The following DOCK4 variants were observed in gnomAD, a reference collection of about 807,000 sequenced individuals.
DOCK4 encodes the protein dedicator of cytokinesis protein 4.
Under a neutral mutation model 268.1 loss-of-function variants are expected in DOCK4, and 97 were observed. The observed-to-expected ratio is 0.36, with a 90% CI of 0.31 to 0.43. The LOEUF (loss-of-function observed/expected upper bound fraction) is 0.43. DOCK4 is among the 20% of genes least tolerant of loss of function. The pLI is 1.00. For missense variants in DOCK4, 2,145 were observed against 2,455.7 expected (o/e 0.87, Z 2.67); for synonymous variants, 954 against 887.2 (o/e 1.08, Z -1.34).
intron 41 of DOCK4, among the ~76,000 whole-genome samples, chr7:111,757,175 C>A (rs1224416373): frequency 6.6e-6 from 1 of 151,898 alleles, no homozygotes; most frequent in Non-Finnish European, 1.5e-5. Context: ...TTCTGGAGGG[C>A]AGTTTGGAGC....
At position 112,004,123 on chromosome 7, in the gene DOCK4, T is replaced by C. The variant is rs1453715460; in HGVS notation, c.46A>G (p.Ser16Gly). 1 of 1,585,438 alleles carries C rather than the reference T, an allele frequency of 6.3e-7. No individual in the cohort carries two copies. ...CCATATGGAACGGTTCCTCGGAAAC[T>C]GGCAATAACTGTAAAAAATGATAAA... ...EHEKYGVVIA[S>G]FRGTVPYGLS... Residue 16 changes from serine to glycine, a missense_variant, in exon 2 of 53, where the codon AGT becomes GGT. By Grantham distance (56) the Ser-to-Gly change is moderately conservative. This residue lies in a region of DOCK4 where 1,598 missense variants were observed against 1,986.7 expected (regional missense o/e 0.80). Coordinates refer to ENST00000428084, the MANE Select transcript of DOCK4 (RefSeq NM_001363540.2).
chr7:112,016,386 A>G (rs1188190025), intron 1 of DOCK4, among the ~76,000 whole-genome samples: 3 of 152,232 alleles, frequency 2.0e-5, no homozygotes, highest in Non-Finnish European at 2.9e-5. Flanking sequence ...CAGGAGGTAC[A>G]TGATGGTGAT....
At chr7:111,729,855 C>T (rs894809221) in intron 52 of DOCK4, among the ~76,000 whole-genome samples, 16 of 152,194 alleles carry the variant, frequency 1.1e-4, no homozygotes, top group Admixed American at 3.9e-4. Flanking sequence ...AACTGGCAGC[C>T]CTCGGGGCTG....
At chr7:112,024,057 A>T (rs1802563074) in intron 1 of DOCK4, among the ~76,000 whole-genome samples, 1 of 152,192 alleles carries the variant, frequency 6.6e-6, no homozygotes, top group Admixed American at 6.5e-5. Flanking sequence ...TGTATACGTG[A>T]ATTCTGTTTT....
chr7:112,157,956 A>C (rs1172032512), intron 1 of DOCK4, among the ~76,000 whole-genome samples: 5 of 152,202 alleles, frequency 3.3e-5, no homozygotes, highest in African/African-American at 1.2e-4. Flanking sequence ...TAAGGCCTAT[A>C]AATTGTCCTC....
At chr7:111,854,540 C>G (rs755791681) in intron 23 of DOCK4, among the ~76,000 whole-genome samples, 21 of 152,174 alleles carry the variant, frequency 1.4e-4, no homozygotes, top group Non-Finnish European at 2.9e-4. Context: ...GGAGTTCTGT[C>G]TGTGGCTCAT....
At chr7:112,127,425 G>A (rs1813335136) in intron 1 of DOCK4, among the ~76,000 whole-genome samples, 1 of 105,312 alleles carries the variant, frequency 9.5e-6, no homozygotes, top group Admixed American at 1.2e-4. Flanking sequence ...TGGGGGGAGG[G>A]GGGAGGGATA....
chr7:112,100,601 G>A lies in DOCK4; in HGVS notation c.38-96470C>T, dbSNP rs570769588. On this transcript the variant is annotated intron_variant, in intron 1 of 52. Coordinates refer to ENST00000428084, the MANE Select transcript of DOCK4 (RefSeq NM_001363540.2). ...TTTCCACAAAACAAAAGATGGCGAC[G>A]TACTTTGAGTAGCTTCCACTCAACA... Among the ~76,000 whole-genome samples, 15 of 152,290 alleles carry A rather than the reference G, an allele frequency of 9.8e-5. No individual in the cohort carries two copies. The South Asian group carries it at 3.1e-3, about 32-fold the overall frequency.
intron 23 of DOCK4, among the ~76,000 whole-genome samples, chr7:111,850,444 AC>A (rs1487264851): frequency 6.6e-6 from 1 of 151,218 alleles, no homozygotes; most frequent in Non-Finnish European, 1.5e-5. Context: ...TTTTGCAGCC[AC>A]CCCCACACCT....
intron 27 of DOCK4, 34 bp from the exon 28 acceptor site, chr7:111,811,983 C>G: frequency 8.3e-7 from 1 of 1,207,376 alleles, no homozygotes; most frequent in Non-Finnish European, 1.2e-6. Flanking sequence ...GTGAAAACTT[C>G]ATATTAGTGA....
chr7:111,995,087 A>G (rs1391175060), intron 4 of DOCK4, among the ~76,000 whole-genome samples: 2 of 151,128 alleles, frequency 1.3e-5, no homozygotes, highest in Non-Finnish European at 2.9e-5. Flanking sequence ...GCTGGAGTGC[A>G]GTGGCGCGAT....
In DOCK4 at chr7:111,912,236, A is replaced by C. The variant is rs149051307; in HGVS notation, c.1192+3543T>G. Among the ~76,000 whole-genome samples, 128 of 152,312 alleles carry C rather than the reference A, an allele frequency of 8.4e-4. 2 individuals carry two copies. The East Asian group carries it at 0.022, about 26-fold the overall frequency. ...TCCTTTGCTTGCACTTACACATGGGATTTAAACAGTGGTTTAGAAGACCTC... is the reference window on the plus strand; with the variant it reads ...TCCTTTGCTTGCACTTACACATGGGCTTTAAACAGTGGTTTAGAAGACCTC... On this transcript the variant is annotated intron_variant, in intron 13 of 52. Coordinates refer to ENST00000428084, the MANE Select transcript of DOCK4 (RefSeq NM_001363540.2).
chr7:112,190,694 ATT>A (rs1309942417), intron 1 of DOCK4, among the ~76,000 whole-genome samples: 3 of 152,074 alleles, frequency 2.0e-5, no homozygotes, highest in Non-Finnish European at 4.4e-5. Context: ...AAAATTAAAG[ATT>A]TTGTTTTTTA....
At chr7:112,075,631 A>T (rs1807993382) in intron 1 of DOCK4, among the ~76,000 whole-genome samples, 1 of 152,216 alleles carries the variant, frequency 6.6e-6, no homozygotes. Context: ...ATATCTCAAA[A>T]ACTGATACGA....
intron 8 of DOCK4, among the ~76,000 whole-genome samples, chr7:111,948,658 G>A (rs1795813671): frequency 6.6e-6 from 1 of 150,890 alleles, no homozygotes; most frequent in Non-Finnish European, 1.5e-5. Flanking sequence ...GCAATGGCGC[G>A]ATCTCGGCTC....
chr7:111,969,444 A>C (rs1797520640), intron 8 of DOCK4, among the ~76,000 whole-genome samples: 1 of 151,456 alleles, frequency 6.6e-6, no homozygotes, highest in African/African-American at 2.4e-5. Context: ...AAAAAAACAA[A>C]AAAACAAAAA....
intron 37 of DOCK4, 113 bp downstream of exon 37, chr7:111,769,416 G>C: frequency 7.6e-7 from 1 of 1,323,306 alleles, no homozygotes. Flanking sequence ...TATACATTAA[G>C]ATGTGAGGAT....
intron 8 of DOCK4, among the ~76,000 whole-genome samples, chr7:111,976,244 G>GTA (rs1185899716): frequency 8.2e-5 from 8 of 97,986 alleles, no homozygotes; most frequent in Non-Finnish European, 1.5e-4. Context: ...ATATATATGT[G>GTA]TATATATATG....
At chr7:111,975,574 G>C (rs1798098119) in intron 8 of DOCK4, among the ~76,000 whole-genome samples, 1 of 152,082 alleles carries the variant, frequency 6.6e-6, no homozygotes, top group African/African-American at 2.4e-5. Context: ...TTAACACACT[G>C]ATTCAATTCC....
Sources: allele counts gnomAD v4.1 joint callset (sites outside exome capture counted in the v4.1 genomes callset), GRCh38; gene constraint gnomAD v4.1.1; regional missense constraint gnomAD v4.1.1; transcripts MANE v1.5; gene names NCBI Gene and HGNC (gene_info 2026-07-23, HGNC 2026-07-21).